The following RNF125 variants were observed in gnomAD, a reference collection of about 807,000 sequenced individuals.
RNF125 encodes the protein E3 ubiquitin-protein ligase RNF125.
RNF125 carries 21 observed loss-of-function variants against 26.0 expected under a neutral mutation model. The ratio of observed to expected loss-of-function variants is 0.81; its 90% CI spans 0.57 to 1.16. RNF125 has a LOEUF of 1.16. RNF125 is among the 50% of genes most tolerant of loss of function. The pLI, the probability that RNF125 is intolerant of heterozygous loss-of-function variation, is 0.00. For missense variants in RNF125, 270 were observed against 299.4 expected, an observed-to-expected ratio of 0.90 and a Z score of 0.72; for synonymous variants, 95 against 109.2, an observed-to-expected ratio of 0.87 and a Z score of 0.81.
At chr18:32,035,918 T>A (rs1402774943) in intron 1 of RNF125, among the ~76,000 whole-genome samples, 1 of 152,108 alleles carries the variant, frequency 6.6e-6, no homozygotes, top group Non-Finnish European at 1.5e-5. Context: ...TTTGGGAGGC[T>A]GAGGCAGGTG....
At chr18:32,023,109 G>T (rs982469235) in intron 1 of RNF125, among the ~76,000 whole-genome samples, 1 of 151,964 alleles carries the variant, frequency 6.6e-6, no homozygotes, top group Non-Finnish European at 1.5e-5. Context: ...AGCCTCTCAC[G>T]TAGCTGGGAC....
intron 2 of RNF125, among the ~76,000 whole-genome samples, chr18:32,040,070 C>A (rs1485939504): frequency 6.6e-6 from 1 of 151,810 alleles, no homozygotes; most frequent in African/African-American, 2.4e-5. Flanking sequence ...TGAGCCACTG[C>A]GCCCAGCTTT....
chr18:32,038,566 T>C (rs757653998), intron 2 of RNF125, among the ~76,000 whole-genome samples: 8 of 152,218 alleles, frequency 5.3e-5, no homozygotes, highest in Non-Finnish European at 1.0e-4. Flanking sequence ...TTTCCACCTG[T>C]ATTGATCTGG....
chr18:32,026,898 A>G (rs144865182), intron 1 of RNF125, among the ~76,000 whole-genome samples: 2 of 152,352 alleles, frequency 1.3e-5, no homozygotes, highest in Admixed American at 1.3e-4. Flanking sequence ...ATCATTCCCT[A>G]CAACAGCTTA....
chr18:32,033,272 G>C (rs17718949), intron 1 of RNF125, among the ~76,000 whole-genome samples: 45,912 of 152,068 alleles, frequency 0.3, 8,274 homozygotes, highest in South Asian at 0.41. Flanking sequence ...GTCAAAGTCA[G>C]GGAATCCCTT....
chr18:32,061,255 A>G (rs1394195133), intron 4 of RNF125, among the ~76,000 whole-genome samples: 1 of 151,816 alleles, frequency 6.6e-6, no homozygotes, highest in Non-Finnish European at 1.5e-5. Flanking sequence ...CGATCTCCTG[A>G]CCTCATGATC....
chr18:32,084,418 T>A, the RNF125 span, among the ~76,000 whole-genome samples: 2 of 152,206 alleles, frequency 1.3e-5, no homozygotes, highest in Non-Finnish European at 2.9e-5. Context: ...AAATGTGAGT[T>A]GATTTGTTGA....
At chr18:32,040,872 C>T (rs926420171) in intron 2 of RNF125, among the ~76,000 whole-genome samples, 2 of 152,092 alleles carry the variant, frequency 1.3e-5, no homozygotes, top group African/African-American at 4.8e-5. Flanking sequence ...TGTTACAGGT[C>T]GTAAAATACA....
intron 1 of RNF125, among the ~76,000 whole-genome samples, chr18:32,023,428 C>G (rs2039004169): frequency 6.6e-6 from 1 of 152,164 alleles, no homozygotes; most frequent in South Asian, 2.1e-4. Flanking sequence ...GCTGGAATTA[C>G]AGGAGTGAGC....
chr18:32,049,287 T>C (rs544056822), intron 4 of RNF125, among the ~76,000 whole-genome samples: 9 of 152,334 alleles, frequency 5.9e-5, no homozygotes, highest in African/African-American at 2.2e-4. Flanking sequence ...AATCCTAGGC[T>C]TTAAAGGGGA....
At chr18:32,029,585 A>T (rs140343549) in intron 1 of RNF125, among the ~76,000 whole-genome samples, 21 of 151,594 alleles carry the variant, frequency 1.4e-4, no homozygotes, top group Middle Eastern at 3.4e-3. Context: ...GCACCACTGC[A>T]CTTCAGTTTG....
At chr18:32,030,768 A>G (rs1245835563) in intron 1 of RNF125, among the ~76,000 whole-genome samples, 1 of 152,222 alleles carries the variant, frequency 6.6e-6, no homozygotes, top group East Asian at 1.9e-4. Context: ...GAAGTCCAAG[A>G]GCGTGGTGCT....
intron 1 of RNF125, among the ~76,000 whole-genome samples, chr18:32,023,928 T>C (rs2039008422): frequency 6.6e-6 from 1 of 152,098 alleles, no homozygotes; most frequent in Non-Finnish European, 1.5e-5. Context: ...GAAAACCATA[T>C]TTTACTTTTG....
In RNF125 at chr18:32,045,642, G is replaced by T; in HGVS notation, c.414G>T (p.Arg138Ser). 2 of 1,599,270 alleles carry T rather than the reference G, an allele frequency of 1.3e-6. No homozygotes were observed. The highest frequency in any genetic ancestry group is 2.7e-5 in the African/African-American group (2 of 73,874). ...PLQELEETAARCVCPFCQREL... is the reference protein window; with the variant it reads ...PLQELEETAASCVCPFCQREL... The stretch of plus-strand genomic sequence containing the variant: ...TATTTGTATTCTGTGCTATTTCCAG[G>T]TGTGTATGTCCCTTTTGTCAGAGGG... Residue 138 changes from arginine to serine, a missense_variant and splice_region_variant, in exon 4 of 6, where the codon AGG becomes AGT. By Grantham distance (110) the Arg-to-Ser change is moderately radical. Transcript: ENST00000217740.
At chr18:32,082,932 T>C in the RNF125 span, among the ~76,000 whole-genome samples, 1 of 152,192 alleles carries the variant, frequency 6.6e-6, no homozygotes, top group Non-Finnish European at 1.5e-5. Context: ...TCCTCTAATG[T>C]CCTTTCAGAT....
chr18:32,034,591 A>C (rs1054265367), intron 1 of RNF125, among the ~76,000 whole-genome samples: 2 of 152,110 alleles, frequency 1.3e-5, no homozygotes, highest in Admixed American at 1.3e-4. Flanking sequence ...TTGGTAGAGA[A>C]CCAGTGTATC....
At chr18:32,056,417 G>A (rs1248308131) in intron 4 of RNF125, among the ~76,000 whole-genome samples, 2 of 152,064 alleles carry the variant, frequency 1.3e-5, no homozygotes, top group African/African-American at 4.8e-5. Flanking sequence ...TTCGAGACCA[G>A]CCTGACCAAT....
intron 5 of RNF125, 121 bp from the exon 6 acceptor site, chr18:32,068,177 C>T: frequency 1.8e-6 from 1 of 563,572 alleles, no homozygotes; most frequent in Non-Finnish European, 3.1e-6. Flanking sequence ...CTTTGTGGAA[C>T]CTTGGACAAG....
chr18:32,053,655 G>C (rs1018256734), intron 4 of RNF125, among the ~76,000 whole-genome samples: 5 of 151,908 alleles, frequency 3.3e-5, no homozygotes, highest in African/African-American at 1.2e-4. Flanking sequence ...AGGCACATTG[G>C]CGTGTGCCTC....
Sources: allele counts gnomAD v4.1 joint callset (sites outside exome capture counted in the v4.1 genomes callset), GRCh38; gene constraint gnomAD v4.1.1; transcripts MANE v1.5; gene names NCBI Gene and HGNC (gene_info 2026-07-23, HGNC 2026-07-21).